Variants in PFKP observed in about 807,000 individuals in gnomAD.
The protein encoded by PFKP is phosphofructokinase, platelet.
Under a neutral mutation model 94.3 loss-of-function variants are expected in PFKP, and 101 were observed. That is an observed-to-expected ratio of 1.07 (90% CI 0.91 to 1.26). PFKP has a LOEUF of 1.26. Ranked by LOEUF, PFKP falls within the 50% of genes most tolerant of loss-of-function variation. PFKP has a pLI of 0.00. For missense variants in PFKP, 1,145 were observed against 1,103.3 expected, an observed-to-expected ratio of 1.04 and a Z score of -0.53; for synonymous variants, 573 against 432.6, an observed-to-expected ratio of 1.32 and a Z score of -4.03.
chr10:3,097,360 G>A (rs1181238796), intron 2 of PFKP, among the ~76,000 whole-genome samples: 2 of 152,026 alleles, frequency 1.3e-5, no homozygotes, highest in African/African-American at 4.8e-5. Flanking sequence ...GTCTGCATCC[G>A]ACCTCACACT....
At chr10:3,105,206 C>A (rs202229708) in intron 6 of PFKP, 47 bp downstream of exon 6, 10 of 1,562,550 alleles carry the variant, frequency 6.4e-6, no homozygotes, top group Admixed American at 1.7e-5. Context: ...GGTGGGGGAC[C>A]CTCAGCATCA....
intron 2 of PFKP, among the ~76,000 whole-genome samples, chr10:3,084,294 G>T (rs962048974): frequency 2.0e-5 from 3 of 152,188 alleles, no homozygotes; most frequent in Admixed American, 2.0e-4. Context: ...GTGCCGCTGT[G>T]TGCGGCGGCC....
At position 3,116,802 on chromosome 10, in the gene PFKP, C is replaced by T. The variant is rs553540776; in HGVS notation, c.1398C>T (p.Val466=). ...TCAAAGAAATCGGCTGGACAGATGTCGGGGGCTGGACCGGCCAAGGAGGCT... is the reference window on the plus strand; with the variant it reads ...TCAAAGAAATCGGCTGGACAGATGTTGGGGGCTGGACCGGCCAAGGAGGCT... The part of the protein sequence containing the change: ...GQIKEIGWTD[V]GGWTGQGGSI... The change falls in exon 14 of 22, where the codon GTC becomes GTT. Residue 466 remains valine (V), a synonymous_variant. Transcript: ENST00000381125. 4.9e-5 allele frequency: 79 copies of T among 1,613,668 alleles called. No homozygotes were observed. The highest frequency in any genetic ancestry group is 3.6e-4 in the South Asian group (33 of 91,076).
At chr10:3,083,317 C>A (rs923652730) in intron 2 of PFKP, among the ~76,000 whole-genome samples, 1 of 151,994 alleles carries the variant, frequency 6.6e-6, no homozygotes, top group Non-Finnish European at 1.5e-5. Context: ...CAACTTAAGA[C>A]TAAAAAGTAT....
chr10:3,105,618 TCA>T, intron 7 of PFKP, 117 bp downstream of exon 7: 1 of 715,816 alleles, frequency 1.4e-6, no homozygotes, highest in Non-Finnish European at 2.5e-6. Flanking sequence ...CTCCAGTTTG[TCA>T]CACTTTGTAT....
At chr10:3,132,514 T>C (rs1442136507) in intron 18 of PFKP, 73 bp downstream of exon 18, 10 of 1,064,086 alleles carry the variant, frequency 9.4e-6, no homozygotes, top group Non-Finnish European at 1.5e-5. Context: ...AGTCTGTGAC[T>C]TGGGCTGGAT....
intron 1 of PFKP, among the ~76,000 whole-genome samples, chr10:3,078,650 G>A (rs1342196342): frequency 6.6e-6 from 1 of 152,204 alleles, no homozygotes; most frequent in African/African-American, 2.4e-5. Flanking sequence ...TTACACTACA[G>A]CTTCACCGCT....
intron 20 of PFKP, among the ~76,000 whole-genome samples, chr10:3,134,971 T>TCTGA (rs1839057199): frequency 6.6e-6 from 1 of 151,834 alleles, no homozygotes; most frequent in African/African-American, 2.4e-5. Context: ...TTGAGGAAGA[T>TCTGA]CTGACTGCTG....
rs757082084 is a variant in PFKP, at chr10:3,103,910, G to A, written c.586G>A (p.Glu196Lys). 1.6e-5 allele frequency: 26 copies of A among 1,613,710 alleles called. No homozygotes were observed. The highest frequency in any genetic ancestry group is 8.8e-5 in the South Asian group (8 of 91,088). ...GGACTCCGCCCTGCACAGGATCATCGAGGTCGTCGACGCCATCATGACCAC... is the reference window on the plus strand; with the variant it reads ...GGACTCCGCCCTGCACAGGATCATCAAGGTCGTCGACGCCATCATGACCAC... ...GTDSALHRIIEVVDAIMTTAQ... is the reference protein window; with the variant it reads ...GTDSALHRIIKVVDAIMTTAQ... Residue 196 changes from glutamate to lysine, a missense_variant, in exon 5 of 22, where the codon GAG (glutamate) becomes AAG (lysine). Physicochemically the swap from Glu to Lys is moderately conservative, Grantham distance 56. Coordinates refer to ENST00000381125, the MANE Select transcript of PFKP (RefSeq NM_002627.5).
chr10:3,081,124 G>A (rs970214914), intron 1 of PFKP, among the ~76,000 whole-genome samples: 20 of 152,124 alleles, frequency 1.3e-4, no homozygotes, highest in African/African-American at 4.8e-4. Flanking sequence ...ATACATGTTA[G>A]ATACATAGTA....
At chr10:3,115,558 T>G (rs532414775) in intron 13 of PFKP, among the ~76,000 whole-genome samples, 17 of 151,558 alleles carry the variant, frequency 1.1e-4, no homozygotes, top group Non-Finnish European at 2.1e-4. Context: ...AAGGTGTGTG[T>G]CCCTCAGCTG....
rs1046248935 is a variant in PFKP, at chr10:3,090,520, C to G, written c.186+8059C>G. Among the ~76,000 whole-genome samples the G allele has an allele frequency of 7.2e-5, 11 of 152,204 alleles. 1 individual carries two copies. Among genetic ancestry groups the G allele is most frequent in the African/African-American group, 2.7e-4 (11 of 41,454 alleles). ...AAACGGGGTCTGCACCTGAACACATCTATTCACAGATGGCTCTGCACTGAA... is the reference window on the plus strand; with the variant it reads ...AAACGGGGTCTGCACCTGAACACATGTATTCACAGATGGCTCTGCACTGAA... On this transcript the variant is annotated intron_variant, in intron 2 of 21. Coordinates refer to ENST00000381125, the MANE Select transcript of PFKP (RefSeq NM_002627.5).
intron 2 of PFKP, 76 bp downstream of exon 2, chr10:3,082,537 C>T: frequency 2.0e-6 from 2 of 982,354 alleles, no homozygotes; most frequent in South Asian, 1.6e-5. Flanking sequence ...CGCTCGCTCA[C>T]CCCTGCCTCC....
rs749147150 is a variant in PFKP, at chr10:3,129,870, A to G, written c.1735A>G (p.Ile579Val). 23 of 1,613,690 alleles carry G rather than the reference A, an allele frequency of 1.4e-5. 1 individual carries two copies. In the South Asian group the frequency reaches 2.1e-4, roughly 15 times the overall value. The change falls in exon 17 of 22, where the codon ATC becomes GTC. Residue 579 changes from isoleucine to valine, a missense_variant. Ile to Val is a conservative substitution (Grantham distance 29). Coordinates refer to ENST00000381125, the MANE Select transcript of PFKP (RefSeq NM_002627.5). ...CAGCGGAACCAAGCGGCGCGTGTTC[A>G]TCATCGAGACCATGGGCGGCTACTG... ...SASGTKRRVF[I>V]IETMGGYCGY...
Position 3,126,821 on chromosome 10 carries a change from C to T in PFKP, c.1684-2998C>T, listed in dbSNP as rs1024070838. ...GGGCTCTCGCTCCCATGGGACTCCT[C>T]GGGGAATTTCTCAGCAGCAGGATCG... On this transcript the variant is annotated intron_variant, in intron 16 of 21. Coordinates refer to ENST00000381125, the MANE Select transcript of PFKP (RefSeq NM_002627.5). Among the ~76,000 whole-genome samples the T allele has an allele frequency of 2.7e-4, 41 of 152,248 alleles. 1 individual carries two copies. The highest frequency in any genetic ancestry group is 1.3e-4 in the Non-Finnish European group (9 of 68,046).
intron 16 of PFKP, chr10:3,128,984 G>C (rs2131700704): frequency 6.6e-6 from 1 of 152,406 alleles, no homozygotes; most frequent in Admixed American, 6.5e-5. Flanking sequence ...CTTGAAGTGA[G>C]CAAAGGGTTT....
intron 2 of PFKP, among the ~76,000 whole-genome samples, chr10:3,093,973 C>T (rs1488949276): frequency 6.6e-6 from 1 of 152,210 alleles, no homozygotes; most frequent in Non-Finnish European, 1.5e-5. Flanking sequence ...TGTTTATATG[C>T]CAGCCAGGTC....
At chr10:3,121,848 G>GC (rs1267049650) in intron 16 of PFKP, among the ~76,000 whole-genome samples, 4 of 112,156 alleles carry the variant, frequency 3.6e-5, no homozygotes, top group African/African-American at 7.0e-5. Context: ...TGGAGACAGG[G>GC]CCTCACTCTG....
At position 3,079,135 on chromosome 10, in the gene PFKP, G is replaced by A. The variant is rs192652586; in HGVS notation, c.113-3253G>A. 2.5e-3 allele frequency among the ~76,000 whole-genome samples: 382 copies of A among 152,310 alleles called. 2 individuals carry two copies. Among genetic ancestry groups the A allele is most frequent in the African/African-American group, 6.6e-3 (275 of 41,560 alleles). ...GGTGGGTGCAGGTGAACCCGGAGTG[G>A]GGGTGGGGAGAATCCAGCAGGGACT... On this transcript the variant is annotated intron_variant, in intron 1 of 21. Coordinates refer to ENST00000381125, the MANE Select transcript of PFKP (RefSeq NM_002627.5).
Sources: gnomAD v4.1 joint callset for allele counts (sites outside exome capture counted in the v4.1 genomes callset) on GRCh38, gnomAD v4.1.1 for gene constraint, MANE v1.5 for transcripts, NCBI Gene and HGNC (gene_info 2026-07-23, HGNC 2026-07-21) for gene names.